The following TMEM150C variants were observed in gnomAD, a reference collection of about 807,000 sequenced individuals.
TMEM150C encodes transmembrane protein 150C.
Under a neutral mutation model 29.9 loss-of-function variants are expected in TMEM150C, and 10 were observed. The ratio of observed to expected loss-of-function variants is 0.33; its 90% CI spans 0.21 to 0.57. The LOEUF (loss-of-function observed/expected upper bound fraction) is 0.57. Ranked by LOEUF, TMEM150C falls within the 20% of genes least tolerant of loss-of-function variation. The probability of loss-of-function intolerance (pLI) is 0.88; values close to 1 mark genes in which losing one functional copy is unlikely to be tolerated. For missense variants in TMEM150C, 251 were observed against 303.6 expected, an observed-to-expected ratio of 0.83 and a Z score of 1.29; for synonymous variants, 101 against 112.5, an observed-to-expected ratio of 0.90 and a Z score of 0.64.
At chr4:82,492,898 A>ATATATG (rs1367287202) in intron 6 of TMEM150C, among the ~76,000 whole-genome samples, 44 of 136,092 alleles carry the variant, frequency 3.2e-4, no homozygotes, top group African/African-American at 1.2e-3. Context: ...ATATATATAT[A>ATATATG]TGTATTTGAG....
chr4:82,513,183 G>A (rs1388995478), intron 1 of TMEM150C, among the ~76,000 whole-genome samples: 2 of 152,210 alleles, frequency 1.3e-5, no homozygotes, highest in Non-Finnish European at 2.9e-5. Context: ...ACTTCATACA[G>A]GAGAGCTCTG....
chr4:82,528,470 T>C (rs1195592639), intron 1 of TMEM150C, among the ~76,000 whole-genome samples: 1 of 152,204 alleles, frequency 6.6e-6, no homozygotes, highest in African/African-American at 2.4e-5. Context: ...GGGATGAAGA[T>C]GGCACGTGTT....
intron 1 of TMEM150C, among the ~76,000 whole-genome samples, chr4:82,518,007 A>G (rs6535350): frequency 0.21 from 32,497 of 151,858 alleles, 4,057 homozygotes; most frequent in African/African-American, 0.36. Context: ...ACAGAGACTA[A>G]AAAATATTCT....
chr4:82,500,172 T>A (rs1365881010), intron 5 of TMEM150C, among the ~76,000 whole-genome samples: 1 of 152,230 alleles, frequency 6.6e-6, no homozygotes. Flanking sequence ...GATTAGTCTG[T>A]CAAAAAAGAT....
intron 1 of TMEM150C, among the ~76,000 whole-genome samples, chr4:82,556,681 G>T (rs1216563148): frequency 6.6e-6 from 1 of 151,532 alleles, no homozygotes; most frequent in African/African-American, 2.4e-5. Flanking sequence ...GAAAAGAAAA[G>T]AACAGAAAAC....
intron 1 of TMEM150C, among the ~76,000 whole-genome samples, chr4:82,528,225 G>A (rs1210916378): frequency 6.6e-6 from 1 of 152,244 alleles, no homozygotes; most frequent in Non-Finnish European, 1.5e-5. Context: ...CTGATGCTGG[G>A]CCATGAAGAA....
intron 1 of TMEM150C, among the ~76,000 whole-genome samples, chr4:82,550,566 C>G (rs1029511803): frequency 1.3e-5 from 2 of 151,926 alleles, no homozygotes; most frequent in Non-Finnish European, 1.5e-5. Flanking sequence ...TTTGGGAGGC[C>G]GAGGTGGGCG....
At chr4:82,539,515 C>T (rs1240619200) in intron 1 of TMEM150C, among the ~76,000 whole-genome samples, 1 of 151,060 alleles carries the variant, frequency 6.6e-6, no homozygotes, top group African/African-American at 2.5e-5. Flanking sequence ...TGCAGTGGCA[C>T]GATCTCGGCT....
intron 6 of TMEM150C, chr4:82,490,784 T>G: frequency 2.4e-6 from 1 of 421,270 alleles, no homozygotes; most frequent in African/African-American, 2.0e-5. Context: ...TGTATTACTT[T>G]AATTGTTTTT....
At chr4:82,544,956 T>A (rs1725323125) in intron 1 of TMEM150C, among the ~76,000 whole-genome samples, 1 of 152,200 alleles carries the variant, frequency 6.6e-6, no homozygotes, top group Middle Eastern at 3.4e-3. Context: ...ACAGCCAAAT[T>A]CTACCAGATG....
intron 1 of TMEM150C, among the ~76,000 whole-genome samples, chr4:82,541,335 G>C (rs1047244681): frequency 3.3e-5 from 5 of 152,108 alleles, no homozygotes; most frequent in African/African-American, 1.2e-4. Context: ...ATTTCTTAGA[G>C]AGAGGAGGCA....
chr4:82,515,267 T>C (rs60675726), intron 1 of TMEM150C, among the ~76,000 whole-genome samples: 13,368 of 152,260 alleles, frequency 0.088, 777 homozygotes, highest in African/African-American at 0.17. Context: ...CTTTGACATA[T>C]ACAATTTTTA....
intron 1 of TMEM150C, among the ~76,000 whole-genome samples, chr4:82,525,364 A>G (rs1210015950): frequency 1.3e-5 from 2 of 152,130 alleles, no homozygotes; most frequent in Non-Finnish European, 1.5e-5. Flanking sequence ...GAGTAATAAA[A>G]CCAGAACTGT....
chr4:82,487,277 C>A (rs893972976), intron 7 of TMEM150C, among the ~76,000 whole-genome samples: 1 of 152,074 alleles, frequency 6.6e-6, no homozygotes, highest in African/African-American at 2.4e-5. Flanking sequence ...GGCAAAACCA[C>A]GTCTCTATTA....
intron 6 of TMEM150C, among the ~76,000 whole-genome samples, chr4:82,493,701 G>GT (rs1180635899): frequency 6.6e-6 from 1 of 152,178 alleles, no homozygotes; most frequent in Non-Finnish European, 1.5e-5. Context: ...CAACATGCCT[G>GT]TACCCTCAGC....
chr4:82,561,986 G>A lies in TMEM150C; in HGVS notation c.-91C>T, dbSNP rs1017845659. 3.6e-6 allele frequency: 4 copies of A among 1,113,064 alleles called. No individual in the cohort carries two copies. In the South Asian group the frequency reaches 7.5e-5, roughly 21 times the overall value. The allele number at this position is 1,113,064 out of a possible 1,614,324, so 68.9% of individuals were successfully genotyped here. ...GGCGGCGGCGGCAGCAGTAGCGGCG[G>A]GTAGGGCGCTTCCTTCAGGAAGGGG... is the stretch of plus-strand genomic sequence containing the variant. On this transcript the variant is annotated 5_prime_UTR_variant, in exon 1 of 8. Coordinates refer to ENST00000449862, the MANE Select transcript of TMEM150C (RefSeq NM_001080506.3).
At chr4:82,522,848 G>A (rs1369033108) in intron 1 of TMEM150C, among the ~76,000 whole-genome samples, 1 of 152,156 alleles carries the variant, frequency 6.6e-6, no homozygotes, top group Admixed American at 6.5e-5. Flanking sequence ...CCAACCTAAC[G>A]GGATTCTTGC....
chr4:82,491,200 T>A, intron 6 of TMEM150C: 1 of 694,682 alleles, frequency 1.4e-6, no homozygotes, highest in South Asian at 1.5e-5. Context: ...GTGGTGACAG[T>A]GTTAACTCCT....
At chr4:82,526,889 C>T (rs1327200134) in intron 1 of TMEM150C, among the ~76,000 whole-genome samples, 1 of 152,002 alleles carries the variant, frequency 6.6e-6, no homozygotes, top group African/African-American at 2.4e-5. Context: ...CGAGGGTCTT[C>T]GGTTAAGAAT....
Sources: gnomAD v4.1 joint callset for allele counts (sites outside exome capture counted in the v4.1 genomes callset) on GRCh38, gnomAD v4.1.1 for gene constraint, MANE v1.5 for transcripts, NCBI Gene and HGNC (gene_info 2026-07-23, HGNC 2026-07-21) for gene names.